ANKS1B: variants seen among roughly 807,000 people sequenced by gnomAD.
The protein encoded by ANKS1B is ankyrin repeat and sterile alpha motif domain containing 1B, also known as ankyrin repeat and sterile alpha motif domain-containing protein 1B.
ANKS1B carries 36 observed loss-of-function variants against 148.3 expected under a neutral mutation model. The ratio of observed to expected loss-of-function variants is 0.24; its 90% confidence interval spans 0.19 to 0.32. The LOEUF (loss-of-function observed/expected upper bound fraction) is 0.32. Among genes scored for constraint, ANKS1B ranks in the 10% least tolerant of loss-of-function variants. ANKS1B has a pLI of 1.00. For missense variants in ANKS1B, 1,157 were observed against 1,542.6 expected, an observed-to-expected ratio of 0.75 and a Z score of 4.19; for synonymous variants, 542 against 560.8, an observed-to-expected ratio of 0.97 and a Z score of 0.47.
intron 4 of ANKS1B, among the ~76,000 whole-genome samples, chr12:99,794,414 G>A (rs1157611211): frequency 1.3e-5 from 2 of 148,332 alleles, no homozygotes; most frequent in Admixed American, 6.8e-5. Flanking sequence ...AGATTTGGAA[G>A]CAACCTAAGT....
At chr12:98,937,828 G>A (rs1179310602) in intron 17 of ANKS1B, among the ~76,000 whole-genome samples, 1 of 152,096 alleles carries the variant, frequency 6.6e-6, no homozygotes, top group Non-Finnish European at 1.5e-5. Context: ...TGGCTGGGGA[G>A]GCCTCAGGAA....
chr12:99,406,069 T>C (rs1802541264), intron 11 of ANKS1B, among the ~76,000 whole-genome samples: 1 of 145,548 alleles, frequency 6.9e-6, no homozygotes, highest in Non-Finnish European at 1.5e-5. Flanking sequence ...AATACAATAG[T>C]AGCTGAAGAC....
At position 99,914,479 on chromosome 12, in the gene ANKS1B, GGC is replaced by G. The variant is rs561477885; in HGVS notation, c.134+69623_134+69624del. Among the ~76,000 whole-genome samples, 12 of 152,290 alleles carry G rather than the reference GGC, an allele frequency of 7.9e-5. No homozygotes were observed. The South Asian group carries it at 2.5e-3, about 32-fold the overall frequency. Reference sequence around the variant, plus strand: ...TCGAGAAGCTTTGAAGAATGAGAATGGCAGGCTTGGGTAAGCCATCTATCAAT... The same window carrying G: ...TCGAGAAGCTTTGAAGAATGAGAATGAGGCTTGGGTAAGCCATCTATCAAT... On this transcript the variant is annotated intron_variant, in intron 1 of 26. Transcript: ENST00000683438.
chr12:99,754,513 G>A (rs2061391267), intron 8 of ANKS1B, among the ~76,000 whole-genome samples: 1 of 152,100 alleles, frequency 6.6e-6, no homozygotes, highest in South Asian at 2.1e-4. Flanking sequence ...GAACCCAGCA[G>A]ATATTTACAG....
At position 99,636,603 on chromosome 12, in the gene ANKS1B, T is replaced by A. The variant is rs949490308; in HGVS notation, c.1272+18464A>T. 7.9e-5 allele frequency among the ~76,000 whole-genome samples: 12 copies of A among 152,134 alleles called. No individual in the cohort carries two copies. The East Asian group carries it at 1.2e-3, about 15-fold the overall frequency. On this transcript the variant is annotated intron_variant, in intron 9 of 26. Transcript: ENST00000683438. ...CCAAGGAAAACCAGAAAATTTTTTT[T>A]AAAAAACTGGCACTAAATAGAATAT...
intron 17 of ANKS1B, among the ~76,000 whole-genome samples, chr12:98,834,156 T>G (rs532984149): frequency 2.6e-5 from 4 of 152,288 alleles, no homozygotes; most frequent in Admixed American, 6.5e-5. Context: ...TTATAAAACC[T>G]TCATCTCCCC....
At chr12:99,955,733 C>T (rs1401818153) in intron 1 of ANKS1B, among the ~76,000 whole-genome samples, 2 of 152,168 alleles carry the variant, frequency 1.3e-5, no homozygotes, top group African/African-American at 2.4e-5. Flanking sequence ...CTGGATCTAA[C>T]AGTTCTTTCA....
At chr12:98,865,641 G>A (rs1235932808) in intron 17 of ANKS1B, among the ~76,000 whole-genome samples, 7 of 152,106 alleles carry the variant, frequency 4.6e-5, no homozygotes, top group African/African-American at 7.2e-5. Flanking sequence ...AAGAATCGAC[G>A]TGTGTGTTGG....
chr12:98,806,183 TTTC>T (rs1381733120), intron 20 of ANKS1B, among the ~76,000 whole-genome samples: 1 of 152,214 alleles, frequency 6.6e-6, no homozygotes, highest in Non-Finnish European at 1.5e-5. Context: ...TTTATGTTAT[TTTC>T]TTCTTAAGGA....
chr12:98,834,245 C>A (rs569639789), intron 17 of ANKS1B, among the ~76,000 whole-genome samples: 59 of 152,308 alleles, frequency 3.9e-4, no homozygotes, highest in Non-Finnish European at 7.6e-4. Context: ...CAGTTGACAT[C>A]CTCAGGACTT....
chr12:99,826,930 A>G (rs1248116006), intron 1 of ANKS1B, among the ~76,000 whole-genome samples: 2 of 152,026 alleles, frequency 1.3e-5, no homozygotes, highest in South Asian at 4.1e-4. Context: ...TGGCAACATA[A>G]CAAGACTCCA....
intron 8 of ANKS1B, 85 bp downstream of exon 8, chr12:99,772,837 T>A: frequency 1.5e-6 from 2 of 1,315,320 alleles, no homozygotes; most frequent in South Asian, 3.6e-5. Flanking sequence ...AATCTGATAA[T>A]GCACCACATC....
chr12:99,122,038 G>A (rs1224937366), intron 15 of ANKS1B, among the ~76,000 whole-genome samples: 2 of 152,110 alleles, frequency 1.3e-5, no homozygotes, highest in Non-Finnish European at 2.9e-5. Flanking sequence ...GTGAAACAGT[G>A]GAAATACACT....
chr12:99,814,552 T>G (rs959234688), intron 2 of ANKS1B, among the ~76,000 whole-genome samples: 1 of 151,726 alleles, frequency 6.6e-6, no homozygotes, highest in Non-Finnish European at 1.5e-5. Flanking sequence ...GGGTCTTCCA[T>G]TCTGACATAA....
chr12:99,583,908 G>T (rs2097595939), intron 9 of ANKS1B, among the ~76,000 whole-genome samples: 1 of 152,190 alleles, frequency 6.6e-6, no homozygotes, highest in Non-Finnish European at 1.5e-5. Context: ...GCACATGCCT[G>T]CTCCCTTAAA....
intron 17 of ANKS1B, among the ~76,000 whole-genome samples, chr12:98,880,488 C>A (rs939574579): frequency 6.6e-6 from 1 of 151,874 alleles, no homozygotes; most frequent in African/African-American, 2.4e-5. Flanking sequence ...GGTTTCTGGC[C>A]GGGCACGGTG....
chr12:98,977,365 G>A (rs540453787), intron 17 of ANKS1B, among the ~76,000 whole-genome samples: 7 of 152,138 alleles, frequency 4.6e-5, no homozygotes, highest in Non-Finnish European at 8.8e-5. Flanking sequence ...ATTTTCTATA[G>A]AAGTCAGTGC....
chr12:99,499,198 T>C (rs1224714124), intron 10 of ANKS1B, among the ~76,000 whole-genome samples: 1 of 152,174 alleles, frequency 6.6e-6, no homozygotes, highest in Non-Finnish European at 1.5e-5. Context: ...ATCCCAATTC[T>C]AATCATTTTT....
intron 12 of ANKS1B, among the ~76,000 whole-genome samples, chr12:99,312,743 G>A (rs1057459397): frequency 4.6e-5 from 7 of 151,882 alleles, no homozygotes; most frequent in African/African-American, 1.7e-4. Flanking sequence ...TCTCATCCGT[G>A]ACATGGAACA....
Sources: allele counts gnomAD v4.1 joint callset (sites outside exome capture counted in the v4.1 genomes callset), GRCh38; gene constraint gnomAD v4.1.1; transcripts MANE v1.5; gene names NCBI Gene and HGNC (gene_info 2026-07-23, HGNC 2026-07-21).